The following OSBPL6 variants were observed in gnomAD, a reference collection of about 807,000 sequenced individuals.
OSBPL6 encodes oxysterol binding protein like 6.
A neutral mutation model predicts 125.8 loss-of-function variants in OSBPL6; 49 were observed. The observed-to-expected ratio is 0.39, with a 90% confidence interval of 0.31 to 0.49. The LOEUF is 0.49. Ranked by LOEUF, OSBPL6 falls within the 20% of genes least tolerant of loss-of-function variation. The pLI, the probability that OSBPL6 is intolerant of heterozygous loss-of-function variation, is 0.88. For missense variants in OSBPL6, 986 were observed against 1,135.4 expected, an observed-to-expected ratio of 0.87 and a Z score of 1.89; for synonymous variants, 394 against 391.8, an observed-to-expected ratio of 1.01 and a Z score of -0.07.
chr2:178,324,255 G>A lies in OSBPL6; in HGVS notation c.181G>A (p.Val61Ile). The A allele has an allele frequency of 6.4e-7, 1 of 1,570,708 alleles. No homozygotes were observed. The highest frequency in any genetic ancestry group is 1.2e-5 in the South Asian group (1 of 85,792). ...TCGGCAATTGCTAGAACCGGAGCCA[G>A]TCCCCCTCTCCAAGGTCAGTGATGA... The part of the protein sequence containing the change: ...VSRQLLEPEP[V>I]PLSKEADSWE... The change falls in exon 4 of 25, where the codon GTC becomes ATC. Residue 61 changes from valine (V) to isoleucine (I), a missense_variant. This residue lies in a region of OSBPL6 where 130 missense variants were observed against 106.4 expected (regional missense o/e 1.22). Transcript: ENST00000190611.
chr2:178,281,321 C>A (rs72947475), intron 1 of OSBPL6, among the ~76,000 whole-genome samples: 14 of 152,082 alleles, frequency 9.2e-5, no homozygotes, highest in Non-Finnish European at 1.9e-4. Context: ...CCGCTTTTGA[C>A]GTTTTCCTCA....
At position 178,212,417 on chromosome 2, in the gene OSBPL6, T is replaced by A. The variant is rs138833794; in HGVS notation, c.-351+17743T>A. Among the ~76,000 whole-genome samples, 617 of 152,346 alleles carry A rather than the reference T, an allele frequency of 4.0e-3. 5 individuals are homozygous for A. Among genetic ancestry groups the A allele is most frequent in the African/African-American group, 0.014 (573 of 41,586 alleles). Reference sequence around the variant, plus strand: ...TCAGTGTTTTATTTCAAGTGAGGCATTCTTAGAATAATGTGACACAGAGTG... The same window carrying A: ...TCAGTGTTTTATTTCAAGTGAGGCAATCTTAGAATAATGTGACACAGAGTG... On this transcript the variant is annotated intron_variant, in intron 1 of 24. Coordinates refer to ENST00000190611, the MANE Select transcript of OSBPL6 (RefSeq NM_032523.4).
rs574883836 is a variant in OSBPL6, at chr2:178,343,207, T to A, written c.987+3443T>A. On this transcript the variant is annotated intron_variant, in intron 11 of 24. Coordinates refer to ENST00000190611, the MANE Select transcript of OSBPL6 (RefSeq NM_032523.4). ...TGTTAGGAGATTCTAAGAAAGTATA[T>A]CTTAATTATTTGGAAATGAAATTAT... Among the ~76,000 whole-genome samples, 478 of 152,128 alleles carry A rather than the reference T, an allele frequency of 3.1e-3. 3 individuals carry two copies. The highest frequency in any genetic ancestry group is 4.7e-3 in the Non-Finnish European group (320 of 68,004).
intron 1 of OSBPL6, among the ~76,000 whole-genome samples, chr2:178,198,089 A>G (rs1242669593): frequency 6.6e-6 from 1 of 152,204 alleles, no homozygotes; most frequent in Non-Finnish European, 1.5e-5. Flanking sequence ...GCATTTATAC[A>G]CTAAGTTTAG....
At chr2:178,292,484 A>G (rs1685375524) in intron 2 of OSBPL6, among the ~76,000 whole-genome samples, 1 of 152,182 alleles carries the variant, frequency 6.6e-6, no homozygotes, top group South Asian at 2.1e-4. Context: ...CACGCTCCCC[A>G]AAACTTCAAC....
chr2:178,255,032 G>A (rs1256260431), intron 1 of OSBPL6, among the ~76,000 whole-genome samples: 2 of 152,278 alleles, frequency 1.3e-5, no homozygotes, highest in South Asian at 2.1e-4. Context: ...GTCCAGGAGC[G>A]GTGGCTCAGG....
At chr2:178,395,073 G>A (rs1183399423) in intron 24 of OSBPL6, among the ~76,000 whole-genome samples, 2 of 152,158 alleles carry the variant, frequency 1.3e-5, no homozygotes, top group Non-Finnish European at 2.9e-5. Context: ...CCCAGTAGGG[G>A]CTCTTAGAGC....
At chr2:178,237,823 A>T (rs79797062) in intron 1 of OSBPL6, among the ~76,000 whole-genome samples, 22,091 of 152,104 alleles carry the variant, frequency 0.15, 3,620 homozygotes, top group African/African-American at 0.4. Flanking sequence ...TTTAGAAATG[A>T]TTCTTGCAAT....
At chr2:178,252,815 C>A (rs571650259) in intron 1 of OSBPL6, among the ~76,000 whole-genome samples, 17 of 152,224 alleles carry the variant, frequency 1.1e-4, no homozygotes, top group African/African-American at 3.6e-4. Flanking sequence ...CTTCATGATA[C>A]AACCCCATTT....
intron 1 of OSBPL6, among the ~76,000 whole-genome samples, chr2:178,249,211 A>G (rs1028467411): frequency 3.9e-5 from 6 of 152,202 alleles, no homozygotes; most frequent in African/African-American, 1.4e-4. Flanking sequence ...AAGTGCTGGG[A>G]TTACAGGTGT....
At chr2:178,352,355 G>C (rs1691340917) in intron 12 of OSBPL6, among the ~76,000 whole-genome samples, 1 of 152,180 alleles carries the variant, frequency 6.6e-6, no homozygotes, top group Non-Finnish European at 1.5e-5. Context: ...ATGACAGACT[G>C]TACCTGGAAA....
At chr2:178,202,880 T>A in intron 1 of OSBPL6, among the ~76,000 whole-genome samples, 1 of 152,184 alleles carries the variant, frequency 6.6e-6, no homozygotes. Context: ...TTGAGTAATT[T>A]GATCAGGATG....
At chr2:178,382,845 T>G in intron 16 of OSBPL6, 179 bp from the exon 17 acceptor site, 1 of 1,389,502 alleles carries the variant, frequency 7.2e-7, no homozygotes, top group Non-Finnish European at 9.5e-7. Context: ...AACTATACAC[T>G]GTTGTTTTCT....
At chr2:178,285,702 G>A (rs1684637004) in intron 2 of OSBPL6, among the ~76,000 whole-genome samples, 7 of 152,188 alleles carry the variant, frequency 4.6e-5, no homozygotes. Context: ...GGCCTACTGA[G>A]TTTGTGGTCT....
rs957023066 is a variant in OSBPL6, at chr2:178,390,936, A to G, written c.2302-137A>G. 50 of 1,106,464 alleles carry G rather than the reference A, an allele frequency of 4.5e-5. No individual in the cohort carries two copies. The Admixed American group carries it at 7.5e-4, about 17-fold the overall frequency. 68.5% of individuals were successfully genotyped at this position (1,106,464 alleles called of 1,614,324 possible). On this transcript the variant is annotated intron_variant, in intron 21 of 24. Coordinates refer to ENST00000190611, the MANE Select transcript of OSBPL6 (RefSeq NM_032523.4). ...TTAGAAAGCCAGCCCTCCATATAAA[A>G]CGTTTTGAGATTTCTGTATTTCTGA...
chr2:178,207,554 G>A (rs1467802221), intron 1 of OSBPL6, among the ~76,000 whole-genome samples: 5 of 152,106 alleles, frequency 3.3e-5, no homozygotes. Context: ...GGGTGGGGTC[G>A]GTGTGTATTT....
intron 1 of OSBPL6, among the ~76,000 whole-genome samples, chr2:178,273,343 C>A (rs1403886936): frequency 1.3e-5 from 2 of 152,158 alleles, no homozygotes; most frequent in Non-Finnish European, 2.9e-5. Context: ...AGTCCCAACA[C>A]TTTGGGAGGC....
intron 8 of OSBPL6, 129 bp downstream of exon 8, chr2:178,333,170 A>G: frequency 1.0e-6 from 1 of 971,332 alleles, no homozygotes; most frequent in Non-Finnish European, 1.5e-6. Context: ...ATCGCCTGAC[A>G]GCCAGGAGTT....
chr2:178,358,682 G>A (rs559866127), intron 12 of OSBPL6, among the ~76,000 whole-genome samples: 1 of 152,236 alleles, frequency 6.6e-6, no homozygotes, highest in East Asian at 1.9e-4. Context: ...CCTTGACATT[G>A]TTCTTGGCAA....
Sources: gnomAD v4.1 joint callset for allele counts (sites outside exome capture counted in the v4.1 genomes callset) on GRCh38, gnomAD v4.1.1 for gene constraint, gnomAD v4.1.1 regional missense constraint, MANE v1.5 for transcripts, NCBI Gene and HGNC (gene_info 2026-07-23, HGNC 2026-07-21) for gene names.